The following RRP7A variants were observed in gnomAD, a reference collection of about 807,000 sequenced individuals.
RRP7A encodes ribosomal RNA processing 7 homolog A, also known as ribosomal RNA-processing protein 7 homolog A.
RRP7A carries 27 observed loss-of-function variants against 38.4 expected under a neutral mutation model. That is an observed-to-expected ratio of 0.70 (90% CI 0.52 to 0.97). The LOEUF is 0.97. Ranked by LOEUF, RRP7A falls within the 50% of genes least tolerant of loss-of-function variation. RRP7A has a pLI of 0.00. For missense variants in RRP7A, 327 were observed against 375.4 expected, an observed-to-expected ratio of 0.87 and a Z score of 1.07; for synonymous variants, 124 against 150.3, an observed-to-expected ratio of 0.83 and a Z score of 1.28.
chr22:42,513,039 C>A, intron 6 of RRP7A, 44 bp from the exon 7 acceptor site: 3 of 1,551,654 alleles, frequency 1.9e-6, no homozygotes, highest in Non-Finnish European at 1.8e-6. Flanking sequence ...ACAGCGCGCC[C>A]CGGGGAAGCT....
intron 1 of RRP7A, among the ~76,000 whole-genome samples, chr22:42,519,399 G>A (rs897446634): frequency 6.6e-6 from 1 of 152,196 alleles, no homozygotes; most frequent in African/African-American, 2.4e-5. Context: ...CGATGAGAAG[G>A]GGATGGGCTC....
intron 2 of RRP7A, 139 bp downstream of exon 2, chr22:42,517,866 G>C (rs1920934995): frequency 1.0e-6 from 1 of 975,348 alleles, no homozygotes; most frequent in Non-Finnish European, 1.5e-6. Flanking sequence ...TTCCTGACTG[G>C]AGATCACGGT....
intron 6 of RRP7A, 45 bp from the exon 7 acceptor site, chr22:42,513,040 C>G (rs762565404): frequency 4.5e-6 from 7 of 1,547,846 alleles, no homozygotes; most frequent in South Asian, 2.3e-5. Context: ...CAGCGCGCCC[C>G]GGGGAAGCTG....
chr22:42,512,472 C>T lies in RRP7A; in HGVS notation c.*438G>A, dbSNP rs1932497799. On this transcript the variant is annotated 3_prime_UTR_variant, in exon 7 of 7. Transcript: ENST00000323013. ...CTGTCTCCTGGCTAATAATCTCCAG[C>T]CAGCTGGAGGAAGGAAGGGCGGGCT... 1.7e-6 allele frequency: 1 copy of T among 574,390 alleles called. No homozygotes were observed. Among genetic ancestry groups the T allele is most frequent in the Middle Eastern group, 4.7e-4 (1 of 2,116 alleles). 35.6% of individuals were successfully genotyped at this position (574,390 alleles called of 1,614,324 possible).
chr22:42,517,488 T>C (rs1569261439), intron 2 of RRP7A, among the ~76,000 whole-genome samples: 2 of 152,092 alleles, frequency 1.3e-5, no homozygotes, highest in Non-Finnish European at 2.9e-5. Flanking sequence ...TTGGGTAATA[T>C]GTAAAAATGC....
At position 42,510,703 on chromosome 22, in the gene RRP7A, A is replaced by C; in HGVS notation, c.*2207T>G. 6.6e-7 allele frequency: 1 copy of C among 1,506,186 alleles called. No individual in the cohort carries two copies. Among genetic ancestry groups the C allele is most frequent in the South Asian group, 1.2e-5 (1 of 84,376 alleles). The allele number at this position is 1,506,186 out of a possible 1,614,324, so 93.3% of individuals were successfully genotyped here. ...AGTCCCTGTCGTTCATGATAGACAC[A>C]ATGAAATCCACCCTCAAAGAGGTAA... On this transcript the variant is annotated 3_prime_UTR_variant, in exon 7 of 7. Coordinates refer to ENST00000323013, the MANE Select transcript of RRP7A (RefSeq NM_015703.5).
intron 6 of RRP7A, among the ~76,000 whole-genome samples, chr22:42,513,388 T>TGGTCACAGGGTGGCCTA: frequency 9.8e-6 from 1 of 101,696 alleles, no homozygotes; most frequent in Non-Finnish European, 2.1e-5. Flanking sequence ...ATGGCAACCC[T>TGGTCACAGGGTGGCCTA]GGTCAGTGGG....
chr22:42,517,581 G>C (rs1240812745), intron 2 of RRP7A, among the ~76,000 whole-genome samples: 1 of 151,896 alleles, frequency 6.6e-6, no homozygotes, highest in African/African-American at 2.4e-5. Flanking sequence ...GTGCAGTGGC[G>C]CGATCTTGGC....
At chr22:42,516,194 C>T in intron 2 of RRP7A, 58 bp from the exon 3 acceptor site, 2 of 1,602,960 alleles carry the variant, frequency 1.2e-6, no homozygotes, top group Non-Finnish European at 1.7e-6. Flanking sequence ...CCAAAGCCTC[C>T]CTGCACCATG....
chr22:42,509,050 T>A lies in RRP7A; in HGVS notation c.*3860A>T. On this transcript the variant is annotated 3_prime_UTR_variant, in exon 7 of 7. Coordinates refer to ENST00000323013, the MANE Select transcript of RRP7A (RefSeq NM_015703.5). ...CAGGCAGAGAACAGCATTGACTTCG[T>A]CAGCAGGGAGCTGTGTGCGCATTCC... 1.2e-6 allele frequency: 2 copies of A among 1,609,212 alleles called. No individual in the cohort carries two copies. Among genetic ancestry groups the A allele is most frequent in the Non-Finnish European group, 1.7e-6 (2 of 1,175,262 alleles).
In RRP7A at chr22:42,512,851, G is replaced by A. The variant is rs1555986710; in HGVS notation, c.*59C>T. On this transcript the variant is annotated 3_prime_UTR_variant, in exon 7 of 7. Coordinates refer to ENST00000323013, the MANE Select transcript of RRP7A (RefSeq NM_015703.5). ...CTCGGCCTCTCAGAGACCGCTGCAG[G>A]CCCTGCCTCGCCTCCTCCTGGCCCT... The A allele has an allele frequency of 1.9e-5, 29 of 1,547,370 alleles. No homozygotes were observed. The highest frequency in any genetic ancestry group is 1.8e-4 in the South Asian group (16 of 88,060).
At position 42,512,054 on chromosome 22, in the gene RRP7A, G is replaced by A; in HGVS notation, c.*856C>T. On this transcript the variant is annotated 3_prime_UTR_variant, in exon 7 of 7. Transcript: ENST00000323013. ...ATGCTGTGGGAGGGCCCTGACCCCG[G>A]GGCCCATGGAGCTCCCTAGGCTCCT... 7.1e-6 allele frequency: 9 copies of A among 1,268,410 alleles called. No homozygotes were observed. The South Asian group carries it at 9.4e-5, about 13-fold the overall frequency. The allele number at this position is 1,268,410 out of a possible 1,614,324, so 78.6% of individuals were successfully genotyped here.
In RRP7A at chr22:42,509,779, G is replaced by A. The variant is rs1214199431; in HGVS notation, c.*3131C>T. On this transcript the variant is annotated 3_prime_UTR_variant, in exon 7 of 7. Coordinates refer to ENST00000323013, the MANE Select transcript of RRP7A (RefSeq NM_015703.5). ...CTGCATTCACGTTCAAGTCCAAATA[G>A]GACACACGGCAGAGACAAAGCCAGG... Among the ~76,000 whole-genome samples the A allele has an allele frequency of 8.0e-6, 1 of 124,550 alleles. No individual in the cohort carries two copies. The highest frequency in any genetic ancestry group is 2.1e-4 in the East Asian group (1 of 4,850). 81.7% of individuals were successfully genotyped at this position (124,550 alleles called of 152,430 possible).
intron 4 of RRP7A, 152 bp from the exon 5 acceptor site, chr22:42,514,931 T>G: frequency 2.8e-6 from 2 of 707,242 alleles, no homozygotes; most frequent in Non-Finnish European, 4.9e-6. Context: ...GCGCCCTCGC[T>G]CTGCCTGCCC....
chr22:42,511,806 T>C lies in RRP7A; in HGVS notation c.*1104A>G. The stretch of plus-strand genomic sequence containing the variant: ...GCTGCTCACGTCATCTCATTATCTT[T>C]TCTCACGAGGACTACTTCGGATACA... On this transcript the variant is annotated 3_prime_UTR_variant, in exon 7 of 7. Transcript: ENST00000323013. The C allele has an allele frequency of 3.1e-6, 1 of 323,108 alleles. No homozygotes were observed. The highest frequency in any genetic ancestry group is 4.0e-5 in the South Asian group (1 of 24,758). 20.0% of individuals were successfully genotyped at this position (323,108 alleles called of 1,614,324 possible). A position where few individuals can be genotyped will look rare whatever the true frequency, so the allele number is the denominator to read the frequency against.
At position 42,511,774 on chromosome 22, in the gene RRP7A, T is replaced by G. The variant is rs1437855404; in HGVS notation, c.*1136A>C. The G allele has an allele frequency of 4.4e-6, 1 of 226,150 alleles. No individual in the cohort carries two copies. The highest frequency in any genetic ancestry group is 8.8e-6 in the Non-Finnish European group (1 of 113,010). The allele number at this position is 226,150 out of a possible 1,614,324, so 14.0% of individuals were successfully genotyped here. A position where few individuals can be genotyped will look rare whatever the true frequency, so the allele number is the denominator to read the frequency against. Reference sequence around the variant, plus strand: ...CTGGCTTCTTGAAGGCAGACACAAGTCTGCAGGCTGCTCACGTCATCTCAT... The same window carrying G: ...CTGGCTTCTTGAAGGCAGACACAAGGCTGCAGGCTGCTCACGTCATCTCAT... On this transcript the variant is annotated 3_prime_UTR_variant, in exon 7 of 7. Coordinates refer to ENST00000323013, the MANE Select transcript of RRP7A (RefSeq NM_015703.5).
At chr22:42,518,920 T>C in intron 1 of RRP7A, among the ~76,000 whole-genome samples, 1 of 151,064 alleles carries the variant, frequency 6.6e-6, no homozygotes, top group African/African-American at 2.4e-5. Context: ...CAAACTTGTA[T>C]CAATTGTGAA....
At chr22:42,516,939 G>C (rs915187742) in intron 2 of RRP7A, among the ~76,000 whole-genome samples, 12 of 152,176 alleles carry the variant, frequency 7.9e-5, no homozygotes, top group African/African-American at 2.9e-4. Flanking sequence ...TCTAAGTTTA[G>C]AGGAATCTTT....
rs1920925394 is a variant in RRP7A at position 42,514,599 on chromosome 22, C to G, written c.558+83G>C. 6 of 1,203,578 alleles carry G rather than the reference C, an allele frequency of 5.0e-6. No homozygotes were observed. In the Admixed American group the frequency reaches 1.2e-4, roughly 24 times the overall value. The allele number at this position is 1,203,578 out of a possible 1,614,324, so 74.6% of individuals were successfully genotyped here. ...CTCTACAGAGTGGCCAAGGACAGGCCACCACTGCCCTCCCTCTGGGGCGCC... is the reference window on the plus strand; with the variant it reads ...CTCTACAGAGTGGCCAAGGACAGGCGACCACTGCCCTCCCTCTGGGGCGCC... On this transcript the variant is annotated intron_variant, in intron 5 of 6. Coordinates refer to ENST00000323013, the MANE Select transcript of RRP7A (RefSeq NM_015703.5).
Sources: gnomAD v4.1 joint callset for allele counts (sites outside exome capture counted in the v4.1 genomes callset) on GRCh38, gnomAD v4.1.1 for gene constraint, MANE v1.5 for transcripts, NCBI Gene and HGNC (gene_info 2026-07-23, HGNC 2026-07-21) for gene names.